JPH2: variants seen among roughly 807,000 people sequenced by gnomAD.
The protein encoded by JPH2 is junctophilin 2.
In JPH2, 38 loss-of-function variants were observed where a neutral mutation model predicts 55.9. The ratio of observed to expected loss-of-function variants is 0.68; its 90% CI spans 0.52 to 0.89. The LOEUF (loss-of-function observed/expected upper bound fraction) is 0.89, where lower values mean the gene tolerates loss of function less well. Among genes scored for constraint, JPH2 ranks in the 40% least tolerant of loss-of-function variants. JPH2 has a pLI of 0.00. For missense variants in JPH2, 964 were observed against 1,037.6 expected (o/e 0.93, Z 0.97); for synonymous variants, 480 against 472.4 (o/e 1.02, Z -0.21).
In JPH2 at chr20:44,186,442, A is replaced by C. The variant is rs769714877; in HGVS notation, c.264T>G (p.His88Gln). The C allele has an allele frequency of 6.2e-7, 1 of 1,613,686 alleles. No individual in the cohort carries two copies. ...GRWLYKGEWTHGFKGRYGIRQ... is the reference protein window; with the variant it reads ...GRWLYKGEWTQGFKGRYGIRQ... ...GGATTCCGTAGCGTCCCTTGAAGCC[A>C]TGTGTCCACTCGCCCTTGTAGAGCC... The change falls in exon 1 of 6, where the codon CAT becomes CAG. Residue 88 changes from histidine to glutamine, a missense_variant. His to Gln is a conservative substitution (Grantham distance 24). Transcript: ENST00000372980.
At chr20:44,137,046 C>G (rs1321763685) in intron 2 of JPH2, among the ~76,000 whole-genome samples, 1 of 152,196 alleles carries the variant, frequency 6.6e-6, no homozygotes, top group Non-Finnish European at 1.5e-5. Context: ...CCATTGTGAA[C>G]AGGAGAGACT....
At position 44,134,084 on chromosome 20, in the gene JPH2, T is replaced by TTATAAATA. The variant is rs1555855594; in HGVS notation, c.1170-15469_1170-15462dup. Among the ~76,000 whole-genome samples, 35 of 19,138 alleles carry TTATAAATA rather than the reference T, an allele frequency of 1.8e-3. 8 individuals carry two copies. Among genetic ancestry groups the TTATAAATA allele is most frequent in the African/African-American group, 2.2e-3 (9 of 4,060 alleles). The allele number at this position is 19,138 out of a possible 152,430, so 12.6% of individuals were successfully genotyped here. Reference sequence around the variant, plus strand: ...TTATAAATATATAAATATATATTTATTATAAATATATATTTATTATAAATA... The same window carrying TTATAAATA: ...TTATAAATATATAAATATATATTTATTATAAATATATAAATATATATTTATTATAAATA... On this transcript the variant is annotated intron_variant, in intron 2 of 5. Coordinates refer to ENST00000372980, the MANE Select transcript of JPH2 (RefSeq NM_020433.5).
intron 2 of JPH2, among the ~76,000 whole-genome samples, chr20:44,141,438 C>T (rs192871762): frequency 2.0e-3 from 310 of 152,050 alleles, no homozygotes; most frequent in African/African-American, 7.2e-3. Context: ...ATGGAGCTGC[C>T]ATTCAGCCTA....
chr20:44,124,239 C>G (rs552741766), intron 2 of JPH2, among the ~76,000 whole-genome samples: 99 of 152,200 alleles, frequency 6.5e-4, no homozygotes, highest in Non-Finnish European at 8.2e-4. Context: ...AGGCCCATAA[C>G]TGCTTGGTTG....
intron 2 of JPH2, among the ~76,000 whole-genome samples, chr20:44,143,531 A>T (rs1166409761): frequency 6.6e-6 from 1 of 152,204 alleles, no homozygotes; most frequent in Non-Finnish European, 1.5e-5. Context: ...AATGCTGCAG[A>T]TACTGAGGTC....
chr20:44,161,135 G>C (rs929072666), intron 1 of JPH2, among the ~76,000 whole-genome samples: 27 of 152,124 alleles, frequency 1.8e-4, no homozygotes, highest in Non-Finnish European at 2.6e-4. Flanking sequence ...AGTGGGGTGA[G>C]TGCCTGAGAT....
intron 2 of JPH2, among the ~76,000 whole-genome samples, chr20:44,121,912 G>A (rs925013466): frequency 1.3e-5 from 2 of 152,134 alleles, no homozygotes; most frequent in African/African-American, 2.4e-5. Flanking sequence ...CGGGGGGATT[G>A]CTTGAGCCCA....
chr20:44,162,252 A>C (rs1363961390), intron 1 of JPH2, among the ~76,000 whole-genome samples: 3 of 152,152 alleles, frequency 2.0e-5, no homozygotes, highest in Admixed American at 2.0e-4. Flanking sequence ...TGGGACTCCT[A>C]AACTCACCCC....
chr20:44,128,862 T>C (rs777168471), intron 2 of JPH2, among the ~76,000 whole-genome samples: 1 of 152,148 alleles, frequency 6.6e-6, no homozygotes, highest in Admixed American at 6.6e-5. Flanking sequence ...AACATGGTAG[T>C]GTATTCCAAG....
rs1387649693 is a variant in JPH2 at position 44,112,254 on chromosome 20, T to A, written c.*1264A>T. On this transcript the variant is annotated 3_prime_UTR_variant, in exon 6 of 6. Transcript: ENST00000372980. The stretch of plus-strand genomic sequence containing the variant: ...TGGCTCAGCTTGGATGCCACGTCCT[T>A]CCCCAGGCTTGGAGGGGCCTGGAAG... 1 of 152,218 alleles carries A rather than the reference T, an allele frequency of 6.6e-6. No individual in the cohort carries two copies. The highest frequency in any genetic ancestry group is 1.5e-5 in the Non-Finnish European group (1 of 68,088). The allele number at this position is 152,218 out of a possible 1,614,324, so 9.4% of individuals were successfully genotyped here.
At chr20:44,162,380 A>G (rs2072617327) in intron 1 of JPH2, among the ~76,000 whole-genome samples, 1 of 152,092 alleles carries the variant, frequency 6.6e-6, no homozygotes, top group Admixed American at 6.6e-5. Context: ...AATACTGAGT[A>G]TTAGCTTGAT....
chr20:44,108,081 C>T lies in JPH2; in HGVS notation c.*5437G>A, dbSNP rs939191019. ...GAGGGGTATGGAGGTTAAGTTCAAC[C>T]ATGTGGGAAATGATTCAATCAATCA... On this transcript the variant is annotated 3_prime_UTR_variant, in exon 6 of 6. Coordinates refer to ENST00000372980, the MANE Select transcript of JPH2 (RefSeq NM_020433.5). 6.6e-6 allele frequency among the ~76,000 whole-genome samples: 1 copy of T among 152,146 alleles called. No homozygotes were observed. Among genetic ancestry groups the T allele is most frequent in the African/African-American group, 2.4e-5 (1 of 41,418 alleles).
Position 44,134,067 on chromosome 20 carries a change from A to ATATAAATATATATTTAT in JPH2, c.1170-15461_1170-15445dup, listed in dbSNP as rs1311061861. 7.6e-5 allele frequency among the ~76,000 whole-genome samples: 2 copies of ATATAAATATATATTTAT among 26,398 alleles called. 1 individual carries two copies. Among genetic ancestry groups the ATATAAATATATATTTAT allele is most frequent in the African/African-American group, 3.5e-4 (2 of 5,758 alleles). The allele number at this position is 26,398 out of a possible 152,430, so 17.3% of individuals were successfully genotyped here. On this transcript the variant is annotated intron_variant, in intron 2 of 5. Transcript: ENST00000372980. The stretch of plus-strand genomic sequence containing the variant: ...ATATAAATATATATTTATTATAAAT[A>ATATAAATATATATTTAT]TATAAATATATATTTATTATAAATA...
At position 44,114,832 on chromosome 20, in the gene JPH2, G is replaced by A. The variant is rs184307455; in HGVS notation, c.2055C>T (p.Ile685=). The change falls in exon 5 of 6, where the codon ATC becomes ATT. Residue 685 remains isoleucine (I), a synonymous_variant. Transcript: ENST00000372980. ...GGTGAACAAAGAGGATGGCCAGGCCGATGTTCAGCAGGATCACCATGCAGA... is the reference window on the plus strand; with the variant it reads ...GGTGAACAAAGAGGATGGCCAGGCCAATGTTCAGCAGGATCACCATGCAGA... ...ILICMVILLN[I]GLAILFVHLL... 1.5e-5 allele frequency: 24 copies of A among 1,607,666 alleles called. No homozygotes were observed. The East Asian group carries it at 3.6e-4, about 24-fold the overall frequency.
rs780867789 is a variant in JPH2 at position 44,186,638 on chromosome 20, G to A, written c.68C>T (p.Ala23Val). 3.7e-6 allele frequency: 6 copies of A among 1,610,674 alleles called. No individual in the cohort carries two copies. In the East Asian group the frequency reaches 1.1e-4, roughly 30 times the overall value. Residue 23 changes from alanine (A) to valine (V), a missense_variant, in exon 1 of 6, where the codon GCC becomes GTC. Ala to Val is a moderately conservative substitution (Grantham distance 64). Transcript: ENST00000372980. ...AYCGGWEGGK[A>V]HGHGLCTGPK... is the part of the protein sequence containing the mutation. The stretch of plus-strand genomic sequence containing the variant: ...GCCTGTGCACAGTCCATGCCCATGG[G>A]CCTTTCCCCCCTCCCAGCCCCCGCA...
intron 2 of JPH2, among the ~76,000 whole-genome samples, chr20:44,138,740 T>A (rs898415836): frequency 2.0e-5 from 3 of 152,176 alleles, no homozygotes; most frequent in African/African-American, 7.2e-5. Flanking sequence ...TTCACTGTAT[T>A]CTTTTTCTTC....
intron 1 of JPH2, among the ~76,000 whole-genome samples, chr20:44,161,034 C>G (rs1424595223): frequency 6.6e-6 from 1 of 152,122 alleles, no homozygotes; most frequent in African/African-American, 2.4e-5. Context: ...CATGATTGTG[C>G]CACTGCACTC....
At chr20:44,135,368 A>ATG in intron 2 of JPH2, among the ~76,000 whole-genome samples, 1 of 152,226 alleles carries the variant, frequency 6.6e-6, no homozygotes, top group African/African-American at 2.4e-5. Context: ...AGTTCCTCAA[A>ATG]TGTGCCCTGT....
chr20:44,169,114 G>A (rs1319261843), intron 1 of JPH2, among the ~76,000 whole-genome samples: 1 of 151,760 alleles, frequency 6.6e-6, no homozygotes, highest in Non-Finnish European at 1.5e-5. Context: ...GAACTTTCCA[G>A]CCACCAGAAT....
Sources: gnomAD v4.1 joint callset for allele counts (sites outside exome capture counted in the v4.1 genomes callset) on GRCh38, gnomAD v4.1.1 for gene constraint, MANE v1.5 for transcripts, NCBI Gene and HGNC (gene_info 2026-07-23, HGNC 2026-07-21) for gene names.